FANCI: variants seen among roughly 807,000 people sequenced by gnomAD.
FANCI encodes Fanconi anemia group I protein.
In FANCI, 156 loss-of-function variants were observed where a neutral mutation model predicts 176.1. That is an observed-to-expected ratio of 0.89 (90% CI 0.78 to 1.01). The LOEUF (loss-of-function observed/expected upper bound fraction) is 1.01. FANCI is among the 50% of genes least tolerant of loss of function. FANCI has a pLI of 0.00. For missense variants in FANCI, 1,678 were observed against 1,534.1 expected, an observed-to-expected ratio of 1.09 and a Z score of -1.57; for synonymous variants, 613 against 541.7, an observed-to-expected ratio of 1.13 and a Z score of -1.83.
chr15:89,285,140 A>C lies in FANCI; in HGVS notation c.1743A>C (p.Glu581Asp), dbSNP rs779310267. ...GCCATTACAATTCTGTCGCCAATGA[A>C]ACTTTTTGCCTTGAGATCATGGATA... ...VHSHYNSVAN[E>D]TFCLEIMDSL... Residue 581 changes from glutamate (E) to aspartate (D), a missense_variant, in exon 18 of 38, where the codon GAA becomes GAC. Physicochemically the swap from Glu to Asp is conservative, Grantham distance 45. This residue lies in a region of FANCI where 1,204 missense variants were observed against 1,077.4 expected (regional missense o/e 1.12). Transcript: ENST00000310775. 4 of 1,614,064 alleles carry C rather than the reference A, an allele frequency of 2.5e-6. No homozygotes were observed. The African/African-American group carries it at 5.3e-5, about 22-fold the overall frequency.
chr15:89,258,896 C>T (rs2052606209), intron 3 of FANCI, 120 bp downstream of exon 3: 1 of 801,474 alleles, frequency 1.2e-6, no homozygotes, highest in East Asian at 2.6e-5. Context: ...TTTGAGGATT[C>T]TACAGAATCA....
intron 34 of FANCI, among the ~76,000 whole-genome samples, chr15:89,311,675 C>T (rs2054969203): frequency 6.6e-6 from 1 of 152,322 alleles, no homozygotes; most frequent in East Asian, 1.9e-4. Flanking sequence ...GCATACCAGC[C>T]CCTCTGGAAT....
At chr15:89,303,602 A>C (rs901476316) in intron 27 of FANCI, among the ~76,000 whole-genome samples, 13 of 152,240 alleles carry the variant, frequency 8.5e-5, no homozygotes, top group African/African-American at 2.9e-4. Context: ...AAGCAGAGGA[A>C]GTTCAGGTGT....
At chr15:89,262,329 A>G (rs2052747653) in intron 6 of FANCI, among the ~76,000 whole-genome samples, 1 of 152,072 alleles carries the variant, frequency 6.6e-6, no homozygotes, top group African/African-American at 2.4e-5. Context: ...AATCTACATT[A>G]AAGAATGACT....
intron 35 of FANCI, among the ~76,000 whole-genome samples, chr15:89,313,598 A>G (rs1172134671): frequency 6.6e-6 from 1 of 152,232 alleles, no homozygotes; most frequent in African/African-American, 2.4e-5. Flanking sequence ...CATTGCTGGC[A>G]AAGGTGAAAA....
chr15:89,274,184 A>C lies in FANCI; in HGVS notation c.992A>C (p.Lys331Thr), dbSNP rs1380853777. Residue 331 changes from lysine to threonine, a missense_variant, in exon 12 of 38, where the codon AAG becomes ACG. Around this residue, in one of 3 missense-constraint regions of FANCI, gnomAD observed 469 missense variants for 436.9 expected, o/e 1.07. Coordinates refer to ENST00000310775, the MANE Select transcript of FANCI (RefSeq NM_001113378.2). ...ATACTCAAGGTGCTTGATCTTTTAAAGACTTCGGTTGTAAAGAGCTTTAAG... is the reference window on the plus strand; with the variant it reads ...ATACTCAAGGTGCTTGATCTTTTAACGACTTCGGTTGTAAAGAGCTTTAAG... ...RFQDQVLDLL[K>T]TSVVKSFKDL... The C allele has an allele frequency of 5.1e-6, 8 of 1,574,888 alleles. No homozygotes were observed. Among genetic ancestry groups the C allele is most frequent in the Non-Finnish European group, 6.9e-6 (8 of 1,159,088 alleles).
chr15:89,317,004 CTTAGATATATT>C lies in FANCI; in HGVS notation c.*549_*559del, dbSNP rs990138732. ...CTGTTTTCTTTTTATATAAGTGTGT[CTTAGATATATT>C]TTAAATAGAAAATAAGCTTTCTGAT... On this transcript the variant is annotated 3_prime_UTR_variant, in exon 38 of 38. Transcript: ENST00000310775. 1.2e-4 allele frequency: 73 copies of C among 629,128 alleles called. No homozygotes were observed. Among genetic ancestry groups the C allele is most frequent in the African/African-American group, 1.1e-3 (60 of 54,180 alleles). 39.0% of individuals were successfully genotyped at this position (629,128 alleles called of 1,614,324 possible). A position where few individuals can be genotyped will look rare whatever the true frequency, so the allele number is the denominator to read the frequency against.
At chr15:89,285,707 A>C (rs974484417) in intron 18 of FANCI, among the ~76,000 whole-genome samples, 22 of 150,328 alleles carry the variant, frequency 1.5e-4, no homozygotes, top group African/African-American at 5.3e-4. Context: ...ATATACTATA[A>C]ATTTGCCAGT....
At chr15:89,312,475 T>TGGA (rs1297983529) in intron 34 of FANCI, among the ~76,000 whole-genome samples, 24 of 152,360 alleles carry the variant, frequency 1.6e-4, no homozygotes, top group Middle Eastern at 3.4e-3. Context: ...CAGATAGTCC[T>TGGA]GTTTACTCCA....
intron 6 of FANCI, among the ~76,000 whole-genome samples, chr15:89,262,702 C>G (rs904250439): frequency 6.6e-6 from 1 of 152,142 alleles, no homozygotes; most frequent in African/African-American, 2.4e-5. Context: ...TTTAATTACA[C>G]AAGAGTTTAT....
intron 1 of FANCI, among the ~76,000 whole-genome samples, chr15:89,244,680 A>G (rs2051865332): frequency 6.6e-6 from 1 of 152,230 alleles, no homozygotes; most frequent in African/African-American, 2.4e-5. Flanking sequence ...TGCATCCGGT[A>G]GTTCAAAGCA....
intron 2 of FANCI, among the ~76,000 whole-genome samples, chr15:89,251,733 G>A (rs1026725653): frequency 4.6e-5 from 7 of 152,124 alleles, no homozygotes; most frequent in Admixed American, 6.5e-5. Context: ...AAGATTATAC[G>A]ATTATCTTCA....
intron 27 of FANCI, among the ~76,000 whole-genome samples, chr15:89,301,702 C>A (rs544170168): frequency 2.6e-4 from 40 of 151,198 alleles, no homozygotes; most frequent in African/African-American, 9.2e-4. Flanking sequence ...GAGTGAAACA[C>A]CACAGAAAGA....
intron 2 of FANCI, 91 bp from the exon 3 acceptor site, chr15:89,258,613 G>A (rs564177753): frequency 1.6e-5 from 15 of 945,730 alleles, no homozygotes; most frequent in Non-Finnish European, 2.1e-5. Context: ...TGATCTGAAC[G>A]TGACAGAAGA....
At chr15:89,256,763 G>A (rs751754900) in intron 2 of FANCI, among the ~76,000 whole-genome samples, 24 of 152,152 alleles carry the variant, frequency 1.6e-4, no homozygotes, top group Non-Finnish European at 2.6e-4. Context: ...TAAACTGTGG[G>A]TAGATCCTGG....
chr15:89,278,495 A>G (rs2053489586), intron 13 of FANCI, among the ~76,000 whole-genome samples, 192 bp from the exon 14 acceptor site: 1 of 152,364 alleles, frequency 6.6e-6, no homozygotes, highest in Admixed American at 6.5e-5. Context: ...TATTTATCCT[A>G]CTAATGAATC....
At chr15:89,285,588 A>C (rs2053783151) in intron 18 of FANCI, among the ~76,000 whole-genome samples, 1 of 152,234 alleles carries the variant, frequency 6.6e-6, no homozygotes, top group African/African-American at 2.4e-5. Context: ...CTGCCCTCCA[A>C]CCCAGGCAAC....
intron 16 of FANCI, chr15:89,282,381 T>C: frequency 1.2e-5 from 2 of 164,258 alleles, no homozygotes; most frequent in Admixed American, 1.1e-4. Flanking sequence ...GTTTTATTTG[T>C]AGCTTAGCCA....
chr15:89,272,011 A>G (rs1307644106), intron 10 of FANCI, among the ~76,000 whole-genome samples: 1 of 152,124 alleles, frequency 6.6e-6, no homozygotes, highest in African/African-American at 2.4e-5. Flanking sequence ...TTATGTTTAT[A>G]TTTTTAAGAA....
Sources: allele counts gnomAD v4.1 joint callset (sites outside exome capture counted in the v4.1 genomes callset), GRCh38; gene constraint gnomAD v4.1.1; regional missense constraint gnomAD v4.1.1; transcripts MANE v1.5; gene names NCBI Gene and HGNC (gene_info 2026-07-23, HGNC 2026-07-21).